MSTO1: variants seen among roughly 807,000 people sequenced by gnomAD.
MSTO1 encodes misato mitochondrial distribution and morphology regulator 1, also known as protein misato homolog 1.
A neutral mutation model predicts 55.7 loss-of-function variants in MSTO1; 24 were observed. The ratio of observed to expected loss-of-function variants is 0.43; its 90% CI spans 0.31 to 0.61. The LOEUF (loss-of-function observed/expected upper bound fraction) is 0.61. Among genes scored for constraint, MSTO1 ranks in the 20% least tolerant of loss-of-function variants. The pLI is 0.09. For missense variants in MSTO1, 363 were observed against 625.7 expected (o/e 0.58, Z 4.48); for synonymous variants, 162 against 252.8 (o/e 0.64, Z 3.41).
At chr1:155,606,059 A>G (rs1300616568), upstream of MSTO1, among the ~76,000 whole-genome samples, 1 of 152,128 alleles carries the variant, frequency 6.6e-6, no homozygotes, top group Non-Finnish European at 1.5e-5. Flanking sequence ...TTTTTGACAG[A>G]GTCTTGCTCT....
At chr1:155,609,235 A>ATT (rs1445950335), upstream of MSTO1, among the ~76,000 whole-genome samples, 20 of 49,350 alleles carry the variant, frequency 4.1e-4, 1 homozygote, top group African/African-American at 7.6e-4. Context: ...ATATATATAT[A>ATT]TATATATATT....
the MSTO1 span, among the ~76,000 whole-genome samples, chr1:155,602,859 T>C: frequency 5.3e-5 from 8 of 152,096 alleles, no homozygotes; most frequent in African/African-American, 1.4e-4. Context: ...GACAATATCT[T>C]TTTAGGGAAC....
the MSTO1 span, among the ~76,000 whole-genome samples, chr1:155,568,361 A>G: frequency 6.6e-6 from 1 of 151,830 alleles, no homozygotes; most frequent in Admixed American, 6.6e-5. Context: ...TACAGGCATG[A>G]GCCACCGCGC....
chr1:155,592,042 C>A, the MSTO1 span, among the ~76,000 whole-genome samples: 4 of 152,132 alleles, frequency 2.6e-5, no homozygotes, highest in Non-Finnish European at 5.9e-5. Context: ...TGTAAAGAGG[C>A]ATGGTGCTTT....
At chr1:155,590,695 G>A in the MSTO1 span, 3 of 1,518,426 alleles carry the variant, frequency 2.0e-6, no homozygotes, top group Non-Finnish European at 2.7e-6. Context: ...GGGGCCCCGT[G>A]ACCCCCCGGA....
the MSTO1 span, among the ~76,000 whole-genome samples, chr1:155,601,740 T>TTTTA: frequency 6.6e-6 from 1 of 152,138 alleles, no homozygotes; most frequent in African/African-American, 2.4e-5. Context: ...TTCTTCTGCC[T>TTTTA]TTTATTTATT....
At chr1:155,591,069 C>G in the MSTO1 span, 14 of 1,613,756 alleles carry the variant, frequency 8.7e-6, no homozygotes, top group East Asian at 3.1e-4. Flanking sequence ...AGTCGTACAC[C>G]TTGCACTGCA....
At chr1:155,575,965 G>A in the MSTO1 span, among the ~76,000 whole-genome samples, 3,087 of 151,904 alleles carry the variant, frequency 0.02, 102 homozygotes, top group African/African-American at 0.071. Flanking sequence ...TGGGACTACA[G>A]GCACACGTCA....
the MSTO1 span, among the ~76,000 whole-genome samples, chr1:155,581,466 G>A: frequency 6.6e-6 from 1 of 151,784 alleles, no homozygotes; most frequent in African/African-American, 2.4e-5. Flanking sequence ...GTGCGGTGGT[G>A]TGATCTCAGC....
At chr1:155,593,192 G>A in the MSTO1 span, among the ~76,000 whole-genome samples, 1 of 152,182 alleles carries the variant, frequency 6.6e-6, no homozygotes, top group Admixed American at 6.6e-5. Flanking sequence ...GGGATTACAG[G>A]CGTGAGCCAC....
chr1:155,583,515 AAC>A, the MSTO1 span, among the ~76,000 whole-genome samples: 1 of 152,096 alleles, frequency 6.6e-6, no homozygotes, highest in Non-Finnish European at 1.5e-5. Flanking sequence ...CAGCCTGGGC[AAC>A]AGACTGAGAC....
the MSTO1 span, chr1:155,598,674 A>G: frequency 5.0e-6 from 2 of 403,880 alleles, no homozygotes; most frequent in Non-Finnish European, 9.1e-6. Context: ...GTGAGCCAAG[A>G]TCACGTCACT....
At chr1:155,568,268 T>C in the MSTO1 span, among the ~76,000 whole-genome samples, 1 of 151,364 alleles carries the variant, frequency 6.6e-6, no homozygotes, top group Non-Finnish European at 1.5e-5. Context: ...TTAGTAGAGA[T>C]GGGGTTTTAC....
chr1:155,601,471 T>A, the MSTO1 span, among the ~76,000 whole-genome samples: 1 of 151,710 alleles, frequency 6.6e-6, no homozygotes, highest in East Asian at 1.9e-4. Flanking sequence ...TAATGTTTAG[T>A]CTAAGATGGA....
At chr1:155,587,270 G>A in the MSTO1 span, among the ~76,000 whole-genome samples, 1 of 151,750 alleles carries the variant, frequency 6.6e-6, no homozygotes, top group Admixed American at 6.6e-5. Flanking sequence ...GGGAAACCCC[G>A]TCTCTACTAA....
chr1:155,587,573 C>A, the MSTO1 span, among the ~76,000 whole-genome samples: 45 of 151,004 alleles, frequency 3.0e-4, no homozygotes, highest in African/African-American at 1.1e-3. Context: ...GAAACCCCGT[C>A]TCTACTGAAA....
chr1:155,582,143 G>A, the MSTO1 span, among the ~76,000 whole-genome samples: 5 of 150,158 alleles, frequency 3.3e-5, no homozygotes, highest in South Asian at 2.1e-4. Context: ...CGCCCGCCTC[G>A]GCCTCCCAAA....
chr1:155,602,880 T>C, the MSTO1 span, among the ~76,000 whole-genome samples: 1 of 152,058 alleles, frequency 6.6e-6, no homozygotes, highest in Non-Finnish European at 1.5e-5. Context: ...CAGAAATGTA[T>C]TGGAAAAATT....
the MSTO1 span, chr1:155,586,498 T>G: frequency 5.9e-6 from 1 of 169,628 alleles, no homozygotes; most frequent in South Asian, 1.2e-4. Flanking sequence ...TGTTTGTGTC[T>G]TTTGCTCATT....
Sources: gnomAD v4.1 joint callset for allele counts (sites outside exome capture counted in the v4.1 genomes callset) on GRCh38, gnomAD v4.1.1 for gene constraint, MANE v1.5 for transcripts, NCBI Gene and HGNC (gene_info 2026-07-23, HGNC 2026-07-21) for gene names.